COL4A6: variants seen among roughly 807,000 people sequenced by gnomAD.
COL4A6 encodes the protein collagen type IV alpha 6 chain, also known as collagen alpha-6(IV) chain.
Under a neutral mutation model 126.7 loss-of-function variants are expected in COL4A6, and 59 were observed. That is an observed-to-expected ratio of 0.47 (90% CI 0.38 to 0.58). The LOEUF is 0.58. Among genes scored for constraint, COL4A6 ranks in the 20% least tolerant of loss-of-function variants. COL4A6 has a pLI of 0.00. For synonymous variants in COL4A6, 547 were observed against 496.6 expected (o/e 1.10, Z -1.35); for missense variants, 1,285 against 1,337.3 (o/e 0.96, Z 0.61).
At position 108,180,966 on chromosome X, in the gene COL4A6, T is replaced by G; in HGVS notation, c.1954A>C (p.Ile652Leu). The G allele has an allele frequency of 8.3e-7, 1 of 1,205,032 alleles. No homozygotes were observed. Among genetic ancestry groups the G allele is most frequent in the African/African-American group, 1.7e-5 (1 of 57,708 alleles). ...CCAGGAATAATACAGGGCAGGGTGA[T>G]TCCTGTAAATGGTAACATGTGTGCA... ...GQQGLPGSKG[I>L]TLPCIIPGSY... The change falls in exon 24 of 45, where the codon ATC (isoleucine) becomes CTC (leucine). Residue 652 changes from isoleucine to leucine, a missense_variant and splice_region_variant. By Grantham distance (5) the Ile-to-Leu change is conservative (BLOSUM62 2). Coordinates refer to ENST00000334504, the MANE Select transcript of COL4A6 (RefSeq NM_033641.4).
Position 108,175,710 on chromosome X carries a change from G to A in COL4A6, c.2774C>T (p.Pro925Leu). The A allele has an allele frequency of 8.3e-7, 1 of 1,202,658 alleles. No individual in the cohort carries two copies. Among genetic ancestry groups the A allele is most frequent in the Non-Finnish European group, 1.1e-6 (1 of 888,105 alleles). Residue 925 changes from proline (P) to leucine (L), a missense_variant, in exon 29 of 45, where the codon CCA (proline) becomes CTA (leucine). Coordinates refer to ENST00000334504, the MANE Select transcript of COL4A6 (RefSeq NM_033641.4). Reference protein sequence around the residue: ...IPGTRGLKGIPGSTGKMGPSG... With the variant: ...IPGTRGLKGILGSTGKMGPSG... ...TGGTCCCATTTTTCCAGTTGATCCT[G>A]GAATTCCTTTTAATCCTCTTGTTCC...
Position 108,164,612 on chromosome X carries a change from C to T in COL4A6, c.4057G>A (p.Ala1353Thr). 2.5e-6 allele frequency: 3 copies of T among 1,211,567 alleles called. No homozygotes were observed. The highest frequency in any genetic ancestry group is 3.4e-6 in the Non-Finnish European group (3 of 895,165). ...DPGFPGMKGK[A>T]GPRGSSGLQG... ...GCTCTCAACTTACCTCTTGGCCCTG[C>T]CTTCCCCTTCATTCCGGGAAATCCT... Residue 1353 changes from alanine to threonine, a missense_variant, in exon 40 of 45, where the codon GCA becomes ACA. Physicochemically the swap from Ala to Thr is moderately conservative, Grantham distance 58. Transcript: ENST00000334504.
chrX:108,301,776 C>T (rs190079304), intron 3 of COL4A6, among the ~76,000 whole-genome samples: 12 of 110,736 alleles, frequency 1.1e-4, no homozygotes, highest in African/African-American at 3.0e-4. Flanking sequence ...TTGTAACCTA[C>T]GATGTACCTC....
Position 108,202,988 on chromosome X carries a change from A to T in COL4A6, c.781-7T>A. 8.3e-7 allele frequency: 1 copy of T among 1,207,981 alleles called. No homozygotes were observed. The highest frequency in any genetic ancestry group is 1.1e-6 in the Non-Finnish European group (1 of 892,365). On this transcript the variant is annotated splice_polypyrimidine_tract_variant and splice_region_variant and intron_variant, in intron 12 of 44. Coordinates refer to ENST00000334504, the MANE Select transcript of COL4A6 (RefSeq NM_033641.4). ...CCTTAGGCCCTGGTTCACCCTGGAA[A>T]ATCAGCCCAAGGTTAGTAAGTAGCA...
chrX:108,218,347 C>T (rs1273270532), intron 5 of COL4A6, among the ~76,000 whole-genome samples: 1 of 112,442 alleles, frequency 8.9e-6, no homozygotes, highest in Non-Finnish European at 1.9e-5. Context: ...GGAACACAGC[C>T]ATAAGAAAAT....
chrX:108,411,624 T>G (rs745797598), intron 2 of COL4A6, among the ~76,000 whole-genome samples: 8 of 112,096 alleles, frequency 7.1e-5, no homozygotes, highest in South Asian at 3.7e-4. Flanking sequence ...TTTTGTCCCC[T>G]TAAAACAGAG....
intron 37 of COL4A6, 71 bp downstream of exon 37, chrX:108,169,424 C>T: frequency 8.5e-7 from 1 of 1,178,208 alleles, no homozygotes; most frequent in Non-Finnish European, 1.1e-6. Context: ...CCACATGGCC[C>T]TGCTGTACCC....
chrX:108,219,334 C>G (rs975771331), intron 5 of COL4A6, among the ~76,000 whole-genome samples: 1 of 112,158 alleles, frequency 8.9e-6, no homozygotes, highest in Non-Finnish European at 1.9e-5. Flanking sequence ...CATGTACCAT[C>G]TTAATTTCCC....
At chrX:108,405,155 A>T (rs190694740) in intron 2 of COL4A6, among the ~76,000 whole-genome samples, 1 of 111,232 alleles carries the variant, frequency 9.0e-6, no homozygotes, top group African/African-American at 3.3e-5. Context: ...AGCAGTTTGA[A>T]ATTTAGTATC....
intron 2 of COL4A6, among the ~76,000 whole-genome samples, chrX:108,312,586 A>G (rs2038788105): frequency 8.9e-6 from 1 of 111,902 alleles, no homozygotes; most frequent in African/African-American, 3.2e-5. Context: ...CTATGCTTAC[A>G]CCCTTGTCTA....
intron 2 of COL4A6, among the ~76,000 whole-genome samples, chrX:108,376,731 T>C (rs1463783530): frequency 8.8e-6 from 1 of 113,271 alleles, no homozygotes; most frequent in East Asian, 2.7e-4. Flanking sequence ...ATTTATTTGT[T>C]TTGTTGCAAT....
chrX:108,262,870 T>C (rs2037202275), intron 3 of COL4A6, among the ~76,000 whole-genome samples: 1 of 111,712 alleles, frequency 9.0e-6, no homozygotes, highest in Non-Finnish European at 1.9e-5. Context: ...GACCATCAGT[T>C]GTCCTACATT....
intron 37 of COL4A6, 91 bp downstream of exon 37, chrX:108,169,404 A>G (rs2034227211): frequency 1.8e-6 from 2 of 1,115,852 alleles, no homozygotes; most frequent in Non-Finnish European, 2.4e-6. Context: ...TCACAGCCCA[A>G]CCCTGTGAGC....
chrX:108,164,871 C>T lies in COL4A6; in HGVS notation c.3970+6G>A. 1 of 1,198,253 alleles carries T rather than the reference C, an allele frequency of 8.3e-7. No individual in the cohort carries two copies. The highest frequency in any genetic ancestry group is 1.1e-6 in the Non-Finnish European group (1 of 887,614). ...AAGGGCCCAGCAGCCAGCCGAGCAG[C>T]CGTACCTTTCAGTCCTAGCTCTCCA... On this transcript the variant is annotated splice_donor_region_variant and intron_variant, in intron 39 of 44. Transcript: ENST00000334504.
At chrX:108,436,266 AG>A (rs2064265265) in intron 2 of COL4A6, among the ~76,000 whole-genome samples, 1 of 112,606 alleles carries the variant, frequency 8.9e-6, no homozygotes, top group Non-Finnish European at 1.9e-5. Flanking sequence ...CTGACATAGC[AG>A]GTGACATAAA....
chrX:108,294,415 G>T (rs2345394), intron 3 of COL4A6, among the ~76,000 whole-genome samples: 25,684 of 90,056 alleles, frequency 0.29, 3,103 homozygotes, highest in East Asian at 0.8. Context: ...TTTTTTTTTG[G>T]TGTGTGTGTG....
At chrX:108,227,483 T>G (rs2036201059) in intron 3 of COL4A6, among the ~76,000 whole-genome samples, 1 of 106,784 alleles carries the variant, frequency 9.4e-6, no homozygotes, top group Non-Finnish European at 1.9e-5. Context: ...AGACATGAGA[T>G]ATCAATCAAC....
chrX:108,196,623 G>A, intron 13 of COL4A6, 44 bp from the exon 14 acceptor site: 1 of 1,067,704 alleles, frequency 9.4e-7, no homozygotes, highest in Non-Finnish European at 1.3e-6. Context: ...TTGTTTTCTT[G>A]TCGGTCTCCT....
rs763274131 is a variant in COL4A6, at chrX:108,438,229, G to T, written c.-33C>A. The T allele has an allele frequency of 8.5e-6, 10 of 1,177,048 alleles. No individual in the cohort carries two copies. On this transcript the variant is annotated 5_prime_UTR_variant, in exon 1 of 45. Coordinates refer to ENST00000334504, the MANE Select transcript of COL4A6 (RefSeq NM_033641.4). ...GCTCCTCCGGAGCTGGGTCCCGGGA[G>T]ACTGCTAAGCGGCTCCGCGGCCCGT...
Sources: allele counts gnomAD v4.1 joint callset (sites outside exome capture counted in the v4.1 genomes callset), GRCh38; gene constraint gnomAD v4.1.1; transcripts MANE v1.5; gene names NCBI Gene and HGNC (gene_info 2026-07-23, HGNC 2026-07-21).